DHX15: variants seen among roughly 807,000 people sequenced by gnomAD.
DHX15 encodes the protein ATP-dependent RNA helicase DHX15.
A neutral mutation model predicts 94.4 loss-of-function variants in DHX15; 11 were observed. The ratio of observed to expected loss-of-function variants is 0.12; its 90% confidence interval spans 0.07 to 0.19. The LOEUF is 0.19. DHX15 is among the 10% of genes least tolerant of loss of function. The probability of loss-of-function intolerance (pLI) is 1.00; values close to 1 mark genes in which losing one functional copy is unlikely to be tolerated. For missense variants in DHX15, 304 were observed against 988.5 expected (o/e 0.31, Z 9.29); for synonymous variants, 338 against 329.9 (o/e 1.02, Z -0.27).
At chr4:24,558,281 T>A (rs901558305) in intron 3 of DHX15, among the ~76,000 whole-genome samples, 1 of 152,130 alleles carries the variant, frequency 6.6e-6, no homozygotes, top group Non-Finnish European at 1.5e-5. Flanking sequence ...GTGAGACACA[T>A]TGTAACTTCA....
chr4:24,534,857 T>C (rs1721161993), intron 11 of DHX15, among the ~76,000 whole-genome samples: 1 of 152,058 alleles, frequency 6.6e-6, no homozygotes. Context: ...CATACAACCA[T>C]TTAAAAAGCT....
At chr4:24,582,305 A>T (rs1722433765) in intron 1 of DHX15, among the ~76,000 whole-genome samples, 1 of 152,238 alleles carries the variant, frequency 6.6e-6, no homozygotes, top group South Asian at 2.1e-4. Context: ...CAAATTCTAA[A>T]TAATATACAA....
chr4:24,549,170 T>C lies in DHX15; in HGVS notation c.1081-148A>G, dbSNP rs907170711. 1.0e-5 allele frequency: 6 copies of C among 602,104 alleles called. No individual in the cohort carries two copies. The Admixed American group carries it at 1.1e-4, about 11-fold the overall frequency. The allele number at this position is 602,104 out of a possible 1,614,324, so 37.3% of individuals were successfully genotyped here. A position where few individuals can be genotyped will look rare whatever the true frequency, so the allele number is the denominator to read the frequency against. ...TTCAATTTAGTAACCAAAACTAATT[T>C]AGCAAATTTCAATGGGATTTCCAAA... On this transcript the variant is annotated intron_variant, in intron 5 of 13. Coordinates refer to ENST00000336812, the MANE Select transcript of DHX15 (RefSeq NM_001358.3).
At chr4:24,529,234 T>C (rs1410178152) in intron 13 of DHX15, among the ~76,000 whole-genome samples, 1 of 152,132 alleles carries the variant, frequency 6.6e-6, no homozygotes, top group Admixed American at 6.5e-5. Flanking sequence ...AGATGGATTC[T>C]GGCTATATTG....
At chr4:24,575,568 A>G (rs1560776139) in intron 2 of DHX15, among the ~76,000 whole-genome samples, 1 of 152,218 alleles carries the variant, frequency 6.6e-6, no homozygotes, top group Non-Finnish European at 1.5e-5. Flanking sequence ...GCTCATGGAA[A>G]GGTAAATTGA....
intron 12 of DHX15, 59 bp downstream of exon 12, chr4:24,532,805 T>G: frequency 7.6e-7 from 1 of 1,310,898 alleles, no homozygotes; most frequent in Non-Finnish European, 1.0e-6. Flanking sequence ...CAAAGGACTG[T>G]TAATAGAAAT....
chr4:24,578,831 T>G (rs1722341891), intron 1 of DHX15, among the ~76,000 whole-genome samples: 2 of 152,180 alleles, frequency 1.3e-5, no homozygotes. Flanking sequence ...CCCAACGTGC[T>G]GGGATTACCG....
intron 2 of DHX15, among the ~76,000 whole-genome samples, chr4:24,571,810 T>C (rs907527687): frequency 1.3e-5 from 2 of 152,202 alleles, no homozygotes; most frequent in South Asian, 2.1e-4. Flanking sequence ...GCTTCTGCAA[T>C]TGGGGGTAAC....
intron 3 of DHX15, among the ~76,000 whole-genome samples, chr4:24,559,375 TAA>T (rs535455690): frequency 1.7e-4 from 16 of 93,348 alleles, no homozygotes; most frequent in Admixed American, 4.6e-4. Flanking sequence ...TTTAAGCCAC[TAA>T]AAAAAAAAAA....
chr4:24,579,958 G>A (rs1354804041), intron 1 of DHX15, among the ~76,000 whole-genome samples: 1 of 152,142 alleles, frequency 6.6e-6, no homozygotes, highest in East Asian at 1.9e-4. Flanking sequence ...TAGAGACGAG[G>A]TTTCACCATG....
chr4:24,570,818 T>A lies in DHX15; in HGVS notation c.537A>T (p.Arg179=), dbSNP rs1722105873. Residue 179 remains arginine (R), a synonymous_variant, in exon 3 of 14, where the codon CGA becomes CGT. Transcript: ENST00000336812. The part of the protein sequence containing the change: ...QIPQWCVEYM[R]SLPGPKRGVA... ...CTCCTCTCTTGGGTCCTGGTAATGA[T>A]CGCATGTACTCCACACACCACTGTG... The A allele has an allele frequency of 6.2e-7, 1 of 1,614,046 alleles. No individual in the cohort carries two copies. Among genetic ancestry groups the A allele is most frequent in the Non-Finnish European group, 8.5e-7 (1 of 1,180,048 alleles).
At chr4:24,551,194 T>C (rs893904770) in intron 5 of DHX15, among the ~76,000 whole-genome samples, 5 of 152,174 alleles carry the variant, frequency 3.3e-5, no homozygotes, top group African/African-American at 1.2e-4. Context: ...GTATTCTAAA[T>C]TTTATTGAAG....
intron 5 of DHX15, 150 bp downstream of exon 5, chr4:24,554,575 T>C (rs1721682575): frequency 1.6e-6 from 1 of 613,322 alleles, no homozygotes; most frequent in East Asian, 2.8e-5. Flanking sequence ...AGTATGCAGA[T>C]AAAAGGGGTT....
intron 2 of DHX15, among the ~76,000 whole-genome samples, chr4:24,575,276 A>G (rs1434122253): frequency 6.6e-6 from 1 of 152,208 alleles, no homozygotes; most frequent in African/African-American, 2.4e-5. Flanking sequence ...AACTTTAGAA[A>G]AAGATAAATT....
rs188721012 is a variant in DHX15, at chr4:24,570,485, A to T, written c.701+169T>A. On this transcript the variant is annotated intron_variant, in intron 3 of 13. Coordinates refer to ENST00000336812, the MANE Select transcript of DHX15 (RefSeq NM_001358.3). ...TTCAATTTCTACCAAGTAACTATAGATTACCAATAATATATAATTAAACTA... is the reference window on the plus strand; with the variant it reads ...TTCAATTTCTACCAAGTAACTATAGTTTACCAATAATATATAATTAAACTA... Among the ~76,000 whole-genome samples the T allele has an allele frequency of 8.5e-5, 13 of 152,280 alleles. No homozygotes were observed. The East Asian group carries it at 2.5e-3, about 29-fold the overall frequency.
rs1577333751 is a variant in DHX15 at position 24,537,803 on chromosome 4, T to C, written c.1787-630A>G. On this transcript the variant is annotated intron_variant, in intron 10 of 13. Coordinates refer to ENST00000336812, the MANE Select transcript of DHX15 (RefSeq NM_001358.3). This position sits in a 1 kb window ranked among gnomAD's most constrained non-coding sequence, Gnocchi z 4.7. Reference sequence around the variant, plus strand: ...GTAGTGGTGGAAGGTTAAACCGCCTTTGAATTAAGAAAATTCAAAAAGGCT... The same window carrying C: ...GTAGTGGTGGAAGGTTAAACCGCCTCTGAATTAAGAAAATTCAAAAAGGCT... The C allele has an allele frequency of 2.0e-5, 3 of 152,330 alleles. No homozygotes were observed. The highest frequency in any genetic ancestry group is 2.9e-5 in the Non-Finnish European group (2 of 68,022). 9.4% of individuals were successfully genotyped at this position (152,330 alleles called of 1,614,324 possible). A position where few individuals can be genotyped will look rare whatever the true frequency, so the allele number is the denominator to read the frequency against.
intron 12 of DHX15, chr4:24,531,020 T>C (rs902356510): frequency 6.6e-6 from 1 of 152,194 alleles, no homozygotes; most frequent in African/African-American, 2.4e-5. Flanking sequence ...CACTCTGTGG[T>C]GCCTAGCTGT....
chr4:24,556,880 TAAC>T (rs1248097026), intron 3 of DHX15, among the ~76,000 whole-genome samples: 3 of 152,182 alleles, frequency 2.0e-5, no homozygotes, highest in African/African-American at 7.2e-5. Flanking sequence ...CTTAATAAGC[TAAC>T]AACAGGCTCT....
chr4:24,561,857 A>G (rs767521142), intron 3 of DHX15, among the ~76,000 whole-genome samples: 1 of 152,138 alleles, frequency 6.6e-6, no homozygotes, highest in Non-Finnish European at 1.5e-5. Flanking sequence ...TAACAAAGTA[A>G]TCTGTACACC....
Sources: gnomAD v4.1 joint callset for allele counts (sites outside exome capture counted in the v4.1 genomes callset) on GRCh38, gnomAD v4.1.1 for gene constraint, Gnocchi (gnomAD v3.1) non-coding constraint, MANE v1.5 for transcripts, NCBI Gene and HGNC (gene_info 2026-07-23, HGNC 2026-07-21) for gene names.